The following SMG6 variants were observed in gnomAD, a reference collection of about 807,000 sequenced individuals.
The protein encoded by SMG6 is telomerase-binding protein EST1A.
In SMG6, 66 loss-of-function variants were observed where a neutral mutation model predicts 142.2. The observed-to-expected ratio is 0.46, with a 90% confidence interval of 0.38 to 0.57. The LOEUF (loss-of-function observed/expected upper bound fraction) is 0.57, where lower values mean the gene tolerates loss of function less well. Ranked by LOEUF, SMG6 falls within the 20% of genes least tolerant of loss-of-function variation. The pLI, the probability that SMG6 is intolerant of heterozygous loss-of-function variation, is 0.00. For missense variants in SMG6, 1,793 were observed against 1,832.0 expected (o/e 0.98, Z 0.39); for synonymous variants, 779 against 702.4 (o/e 1.11, Z -1.72).
intron 8 of SMG6, among the ~76,000 whole-genome samples, chr17:2,268,975 C>A (rs1472068802): frequency 7.1e-6 from 1 of 140,288 alleles, no homozygotes; most frequent in South Asian, 2.3e-4. Context: ...GAGGCCGAGG[C>A]GGGCAGATCA....
In SMG6 at chr17:2,061,510, C is replaced by A; in HGVS notation, c.4242G>T (p.Thr1414=). 6.4e-7 allele frequency: 1 copy of A among 1,574,632 alleles called. No individual in the cohort carries two copies. Among genetic ancestry groups the A allele is most frequent in the Non-Finnish European group, 8.6e-7 (1 of 1,160,858 alleles). The change falls in exon 19 of 19, where the codon ACG becomes ACT. Residue 1414 remains threonine, a synonymous_variant. Coordinates refer to ENST00000263073, the MANE Select transcript of SMG6 (RefSeq NM_017575.5). ...GGCTCCCTCAGCCCACCTGGGCCCA[C>A]GTGAGGAAGGCTGGGATGTCCCGTA... ...VPVRDIPAFL[T]WAQVG is the part of the protein sequence containing the mutation.
At chr17:2,279,184 G>C (rs2074727292) in intron 8 of SMG6, among the ~76,000 whole-genome samples, 1 of 152,230 alleles carries the variant, frequency 6.6e-6, no homozygotes, top group African/African-American at 2.4e-5. Context: ...GGGTAAGAAA[G>C]AAAGTGACTG....
intron 13 of SMG6, among the ~76,000 whole-genome samples, chr17:2,170,646 G>A (rs117818819): frequency 6.6e-6 from 1 of 152,288 alleles, no homozygotes; most frequent in Non-Finnish European, 1.5e-5. Context: ...TGTTGGAAAG[G>A]CAAAAAGTAA....
intron 1 of SMG6, among the ~76,000 whole-genome samples, chr17:2,301,728 G>A (rs1367624216): frequency 6.6e-6 from 1 of 152,164 alleles, no homozygotes; most frequent in Non-Finnish European, 1.5e-5. Flanking sequence ...TGTAGTCCCA[G>A]CTACTCGGGA....
intron 13 of SMG6, among the ~76,000 whole-genome samples, chr17:2,147,572 T>TA (rs879838832): frequency 1.5e-4 from 23 of 150,302 alleles, no homozygotes; most frequent in South Asian, 4.2e-4. Flanking sequence ...CCTTACTTCT[T>TA]AAAAAAAAAT....
rs1332918517 is a variant in SMG6, at chr17:2,300,624, A to G, written c.129T>C (p.Asp43=). Residue 43 remains aspartate, a synonymous_variant, in exon 2 of 19, where the codon GAT becomes GAC. Coordinates refer to ENST00000263073, the MANE Select transcript of SMG6 (RefSeq NM_017575.5). Reference sequence around the variant, plus strand: ...AGATTTCCAGATCTGGACGCCTGTTATCTTTGCGCGGCCTGGCCTCCTTTA... The same window carrying G: ...AGATTTCCAGATCTGGACGCCTGTTGTCTTTGCGCGGCCTGGCCTCCTTTA... ...KELKEARPRK[D]NRRPDLEIYK... is the part of the protein sequence containing the mutation. 6.2e-7 allele frequency: 1 copy of G among 1,606,690 alleles called. No individual in the cohort carries two copies. The highest frequency in any genetic ancestry group is 8.5e-7 in the Non-Finnish European group (1 of 1,177,680).
chr17:2,303,148 G>A (rs1597250431), intron 1 of SMG6: 1 of 985,462 alleles, frequency 1.0e-6, no homozygotes, highest in African/African-American at 1.7e-5. Context: ...GCAGCTTTCG[G>A]AAGCCTGTCT....
intron 13 of SMG6, among the ~76,000 whole-genome samples, chr17:2,170,315 A>T (rs2071464479): frequency 6.6e-6 from 1 of 152,112 alleles, no homozygotes; most frequent in Non-Finnish European, 1.5e-5. Context: ...CTGACACTAG[A>T]GCTGAGAGAG....
chr17:2,134,553 AG>A (rs1312723663), intron 13 of SMG6, among the ~76,000 whole-genome samples: 1 of 151,892 alleles, frequency 6.6e-6, no homozygotes, highest in African/African-American at 2.4e-5. Context: ...TGAAACACTG[AG>A]ATTGGAAAAG....
chr17:2,089,872 G>A (rs1478750844), intron 13 of SMG6: 1 of 152,112 alleles, frequency 6.6e-6, no homozygotes, highest in Non-Finnish European at 1.5e-5. Context: ...AGGTGGAGAG[G>A]TGGAGAAGTA....
At chr17:2,278,058 A>AT (rs1245141291) in intron 8 of SMG6, among the ~76,000 whole-genome samples, 8 of 152,186 alleles carry the variant, frequency 5.3e-5, no homozygotes, top group African/African-American at 1.7e-4. Flanking sequence ...TCAAAAAAAA[A>AT]TTTTATAATG....
chr17:2,266,354 A>C (rs2074423164), intron 8 of SMG6, among the ~76,000 whole-genome samples: 1 of 152,128 alleles, frequency 6.6e-6, no homozygotes, highest in Non-Finnish European at 1.5e-5. Context: ...CTCGGGGAGG[A>C]TGAAAAACCT....
At chr17:2,272,488 C>T (rs551541693) in intron 8 of SMG6, among the ~76,000 whole-genome samples, 1 of 152,310 alleles carries the variant, frequency 6.6e-6, no homozygotes, top group South Asian at 2.1e-4. Flanking sequence ...CTTGCTAAAA[C>T]TTACTTGTAA....
intron 13 of SMG6, among the ~76,000 whole-genome samples, chr17:2,092,501 A>C (rs1318886076): frequency 6.6e-6 from 1 of 152,194 alleles, no homozygotes; most frequent in Non-Finnish European, 1.5e-5. Context: ...TGTGTGCTGA[A>C]GTCTCTTAGA....
intron 12 of SMG6, 112 bp from the exon 13 acceptor site, chr17:2,172,971 C>T (rs757215087): frequency 1.6e-5 from 17 of 1,045,556 alleles, no homozygotes; most frequent in Non-Finnish European, 2.4e-5. Context: ...TCTAGGCTGG[C>T]ATCTGCCAGG....
chr17:2,200,815 T>C (rs960326672), intron 10 of SMG6, among the ~76,000 whole-genome samples: 2 of 152,090 alleles, frequency 1.3e-5, no homozygotes, highest in Non-Finnish European at 2.9e-5. Flanking sequence ...GTTCAAGCAA[T>C]CCTCCCACCT....
intron 10 of SMG6, among the ~76,000 whole-genome samples, chr17:2,217,381 A>G (rs2073048789): frequency 6.6e-6 from 1 of 151,832 alleles, no homozygotes; most frequent in African/African-American, 2.4e-5. Context: ...TAAAATTAAT[A>G]TATGTATAAT....
At chr17:2,277,382 G>A (rs575714201) in intron 8 of SMG6, among the ~76,000 whole-genome samples, 3 of 151,768 alleles carry the variant, frequency 2.0e-5, no homozygotes, top group Non-Finnish European at 2.9e-5. Context: ...TAGCCAGGAT[G>A]GTCTCGATCT....
chr17:2,278,204 C>CT (rs36078137), intron 8 of SMG6, among the ~76,000 whole-genome samples: 77 of 140,762 alleles, frequency 5.5e-4, no homozygotes, highest in African/African-American at 8.5e-4. Flanking sequence ...TTTATATATA[C>CT]TTTTTTTTTT....
Sources: gnomAD v4.1 joint callset for allele counts (sites outside exome capture counted in the v4.1 genomes callset) on GRCh38, gnomAD v4.1.1 for gene constraint, MANE v1.5 for transcripts, NCBI Gene and HGNC (gene_info 2026-07-23, HGNC 2026-07-21) for gene names.